HAVCR1: variants seen among roughly 807,000 people sequenced by gnomAD.
The protein encoded by HAVCR1 is hepatitis A virus cellular receptor 1, also known as T cell immunoglobin domain and mucin domain protein 1.
A neutral mutation model predicts 32.0 loss-of-function variants in HAVCR1; 34 were observed. The ratio of observed to expected loss-of-function variants is 1.06; its 90% CI spans 0.81 to 1.42. The LOEUF (loss-of-function observed/expected upper bound fraction) is 1.42, where lower values mean the gene tolerates loss of function less well. Among genes scored for constraint, HAVCR1 ranks in the 40% most tolerant of loss-of-function variants. The probability of loss-of-function intolerance (pLI) is 0.00; values close to 1 mark genes in which losing one functional copy is unlikely to be tolerated. For synonymous variants in HAVCR1, 178 were observed against 170.3 expected, an observed-to-expected ratio of 1.05 and a Z score of -0.35; for missense variants, 420 against 442.3, an observed-to-expected ratio of 0.95 and a Z score of 0.45.
the HAVCR1 span, among the ~76,000 whole-genome samples, chr5:157,065,086 G>A: frequency 6.6e-6 from 1 of 152,182 alleles, no homozygotes; most frequent in Non-Finnish European, 1.5e-5. Flanking sequence ...CCAGCACTTT[G>A]GGAGGCCGAG....
At chr5:157,030,194 A>G (rs540088121) in intron 8 of HAVCR1, among the ~76,000 whole-genome samples, 2 of 152,320 alleles carry the variant, frequency 1.3e-5, no homozygotes, top group African/African-American at 4.8e-5. Context: ...ATATTTTCAA[A>G]TGTGGCTAAG....
chr5:157,045,130 G>A (rs1190669360), intron 5 of HAVCR1, among the ~76,000 whole-genome samples: 1 of 151,986 alleles, frequency 6.6e-6, no homozygotes, highest in East Asian at 1.9e-4. Flanking sequence ...TACAAATTAG[G>A]CACAGAACGA....
chr5:157,052,413 AGTT>A lies in HAVCR1; in HGVS notation c.618_620del (p.Thr207del), dbSNP rs780960200. ...GCATTGGAGGAACAAAGGTAGAGAC[AGTT>A]GTTGTCACTGGAACACTTGTTGTTG... On this transcript the variant is annotated inframe_deletion, in exon 4 of 9. Transcript: ENST00000523175. 13 of 1,614,050 alleles carry A rather than the reference AGTT, an allele frequency of 8.1e-6. No individual in the cohort carries two copies. The highest frequency in any genetic ancestry group is 9.3e-6 in the Non-Finnish European group (11 of 1,179,940).
upstream of HAVCR1, among the ~76,000 whole-genome samples, chr5:157,062,082 C>T (rs149505713): frequency 2.0e-5 from 3 of 152,256 alleles, no homozygotes; most frequent in East Asian, 5.8e-4. Flanking sequence ...TTCATGACCC[C>T]CCTGAAGGAT....
chr5:157,037,792 C>A lies in HAVCR1; in HGVS notation c.838-431G>T, dbSNP rs548121157. Among the ~76,000 whole-genome samples, 6 of 152,194 alleles carry A rather than the reference C, an allele frequency of 3.9e-5. 1 individual carries two copies. Among genetic ancestry groups the A allele is most frequent in the East Asian group, 1.9e-4 (1 of 5,176 alleles). ...AATCCCAGCACTTTGGGAGCCCAGGCATCCTGAGGTCAGGTGTTCGAGACC... is the reference window on the plus strand; with the variant it reads ...AATCCCAGCACTTTGGGAGCCCAGGAATCCTGAGGTCAGGTGTTCGAGACC... On this transcript the variant is annotated intron_variant, in intron 6 of 8. Transcript: ENST00000523175.
In HAVCR1 at chr5:157,044,615, G is replaced by GAAAGAAAGAAAGAAAAAGAA. The variant is rs760337335; in HGVS notation, c.782-1934_782-1933insTTCTTTTTCTTTCTTTCTTT. Among the ~76,000 whole-genome samples the GAAAGAAAGAAAGAAAAAGAA allele has an allele frequency of 5.5e-3, 291 of 52,718 alleles. 21 individuals are homozygous for GAAAGAAAGAAAGAAAAAGAA. Among genetic ancestry groups the GAAAGAAAGAAAGAAAAAGAA allele is most frequent in the South Asian group, 8.3e-3 (10 of 1,202 alleles). 34.6% of individuals were successfully genotyped at this position (52,718 alleles called of 152,430 possible). A position where few individuals can be genotyped will look rare whatever the true frequency, so the allele number is the denominator to read the frequency against. On this transcript the variant is annotated intron_variant, in intron 5 of 8. Transcript: ENST00000523175. ...AGAAAGAAAGAAAGAAAGAAAGAAA[G>GAAAGAAAGAAAGAAAAAGAA]AGAAAGAAAGAAAGAAAGAAAGAAA...
chr5:157,051,393 T>A (rs75182523), intron 4 of HAVCR1, among the ~76,000 whole-genome samples: 1 of 152,158 alleles, frequency 6.6e-6, no homozygotes, highest in Non-Finnish European at 1.5e-5. Context: ...AGTAAAAATG[T>A]TAGATCAGGG....
At chr5:157,056,023 C>A (rs986791932) in intron 2 of HAVCR1, among the ~76,000 whole-genome samples, 21 of 151,614 alleles carry the variant, frequency 1.4e-4, no homozygotes, top group African/African-American at 4.8e-4. Context: ...GATCTTGGCT[C>A]ACTGCTACCC....
At chr5:157,060,698 G>A (rs1366785633), upstream of HAVCR1, among the ~76,000 whole-genome samples, 1 of 152,070 alleles carries the variant, frequency 6.6e-6, no homozygotes, top group Non-Finnish European at 1.5e-5. Flanking sequence ...GCCAAGACAG[G>A]GATGTGGAGC....
intron 5 of HAVCR1, 81 bp from the exon 6 acceptor site, chr5:157,042,763 C>T: frequency 2.4e-6 from 2 of 837,386 alleles, no homozygotes; most frequent in East Asian, 5.1e-5. Flanking sequence ...ATTCACATTA[C>T]CTTCTGGCGA....
intron 5 of HAVCR1, among the ~76,000 whole-genome samples, chr5:157,044,275 T>C (rs1267892957): frequency 6.7e-6 from 1 of 149,634 alleles, no homozygotes; most frequent in African/African-American, 2.5e-5. Context: ...GAGATTACAG[T>C]GAGCCAAGAT....
At chr5:157,041,030 A>G (rs188701066) in intron 6 of HAVCR1, among the ~76,000 whole-genome samples, 1 of 152,248 alleles carries the variant, frequency 6.6e-6, no homozygotes, top group African/African-American at 2.4e-5. Flanking sequence ...TGTTTCTTAC[A>G]GGAGCCAAAA....
At chr5:157,056,061 T>G (rs1756117858) in intron 2 of HAVCR1, among the ~76,000 whole-genome samples, 1 of 151,574 alleles carries the variant, frequency 6.6e-6, no homozygotes, top group Non-Finnish European at 1.5e-5. Flanking sequence ...GCAATTCTCA[T>G]GCATCAGCCT....
At chr5:157,049,738 G>A (rs1005870723) in intron 4 of HAVCR1, among the ~76,000 whole-genome samples, 1 of 152,162 alleles carries the variant, frequency 6.6e-6, no homozygotes, top group African/African-American at 2.4e-5. Flanking sequence ...GTCAGCCTTG[G>A]TAATGATTTA....
the HAVCR1 span, among the ~76,000 whole-genome samples, chr5:157,066,622 G>A: frequency 6.6e-6 from 1 of 151,370 alleles, no homozygotes; most frequent in Non-Finnish European, 1.5e-5. Flanking sequence ...GGGGAAGAAA[G>A]GGAAAATTTG....
chr5:157,033,736 G>C (rs1363571195), intron 7 of HAVCR1, among the ~76,000 whole-genome samples: 4 of 152,060 alleles, frequency 2.6e-5, no homozygotes, highest in Admixed American at 2.6e-4. Context: ...CTCTAAAATT[G>C]TCTACATCCA....
intron 8 of HAVCR1, among the ~76,000 whole-genome samples, chr5:157,031,003 T>C (rs1754137981): frequency 1.1e-5 from 1 of 88,254 alleles, no homozygotes; most frequent in Admixed American, 1.6e-4. Context: ...AATTTGTTAG[T>C]GTGGGTTTTT....
intron 5 of HAVCR1, among the ~76,000 whole-genome samples, chr5:157,047,629 G>T (rs1385582391): frequency 6.6e-6 from 1 of 152,048 alleles, no homozygotes; most frequent in Non-Finnish European, 1.5e-5. Flanking sequence ...CCTAGAAGGT[G>T]AAGTTCCCAA....
At chr5:157,030,525 T>C (rs1402722559) in intron 8 of HAVCR1, among the ~76,000 whole-genome samples, 1 of 151,988 alleles carries the variant, frequency 6.6e-6, no homozygotes, top group African/African-American at 2.4e-5. Context: ...TGGTGGCTTG[T>C]GCCCATAATC....
Sources: gnomAD v4.1 joint callset for allele counts (sites outside exome capture counted in the v4.1 genomes callset) on GRCh38, gnomAD v4.1.1 for gene constraint, MANE v1.5 for transcripts, NCBI Gene and HGNC (gene_info 2026-07-23, HGNC 2026-07-21) for gene names.